TIMP2: variants seen among roughly 807,000 people sequenced by gnomAD.
TIMP2 encodes the protein metalloproteinase inhibitor 2.
Under a neutral mutation model 24.3 loss-of-function variants are expected in TIMP2, and 5 were observed. That is an observed-to-expected ratio of 0.21 (90% CI 0.11 to 0.43). The LOEUF (loss-of-function observed/expected upper bound fraction) is 0.43, where lower values mean the gene tolerates loss of function less well. Among genes scored for constraint, TIMP2 ranks in the 20% least tolerant of loss-of-function variants. The probability of loss-of-function intolerance (pLI) is 1.00; values close to 1 mark genes in which losing one functional copy is unlikely to be tolerated. For synonymous variants in TIMP2, 130 were observed against 123.2 expected (o/e 1.06, Z -0.37); for missense variants, 221 against 297.5 (o/e 0.74, Z 1.89).
intron 1 of TIMP2, among the ~76,000 whole-genome samples, chr17:78,911,119 C>A (rs1432249949): frequency 6.6e-6 from 1 of 152,192 alleles, no homozygotes; most frequent in African/African-American, 2.4e-5. Context: ...CTGAGCTGGG[C>A]CTTTCTGATC....
At chr17:78,900,511 C>CTCTA (rs1414918439) in intron 1 of TIMP2, among the ~76,000 whole-genome samples, 2 of 150,478 alleles carry the variant, frequency 1.3e-5, no homozygotes, top group African/African-American at 2.5e-5. Context: ...CACCACTGTA[C>CTCTA]TCTAGCCTAG....
chr17:78,918,078 A>ACACACACACGCGCG (rs888107917), intron 1 of TIMP2, among the ~76,000 whole-genome samples: 7 of 149,144 alleles, frequency 4.7e-5, no homozygotes, highest in African/African-American at 1.7e-4. Context: ...ACACACACAC[A>ACACACACACGCGCG]CACACACACA....
Position 78,859,314 on chromosome 17 carries a change from T to G in TIMP2, c.341-1668A>C, listed in dbSNP as rs993292159. On this transcript the variant is annotated intron_variant, in intron 3 of 4. Transcript: ENST00000262768. ...AAGCAGGAGGAAAAGAACAAAGCAG[T>G]GTGTTCCAGTGGCTGACAGAACCTA... 2.5e-4 allele frequency among the ~76,000 whole-genome samples: 38 copies of G among 152,154 alleles called. 1 individual carries two copies. The highest frequency in any genetic ancestry group is 2.5e-3 in the Admixed American group (38 of 15,260).
chr17:78,902,765 C>T (rs1204643033), intron 1 of TIMP2: 2 of 152,366 alleles, frequency 1.3e-5, no homozygotes, highest in Admixed American at 6.5e-5. Flanking sequence ...CGTCCATTAC[C>T]GCTTCCCTGC....
chr17:78,906,521 G>C (rs1380280210), intron 1 of TIMP2, among the ~76,000 whole-genome samples: 1 of 152,070 alleles, frequency 6.6e-6, no homozygotes, highest in Non-Finnish European at 1.5e-5. Flanking sequence ...GACTGATCAG[G>C]GTGGTGGTTG....
chr17:78,896,112 C>T lies in TIMP2; in HGVS notation c.131-22193G>A, dbSNP rs746630156. ...GCAGCCAGCTCCATCCTTCAGGAAT[C>T]GATCCCCGCTCTGACACCATCAGAT... is the stretch of plus-strand genomic sequence containing the variant. On this transcript the variant is annotated intron_variant, in intron 1 of 4. Coordinates refer to ENST00000262768, the MANE Select transcript of TIMP2 (RefSeq NM_003255.5). The surrounding 1 kb of genome is among the most constrained non-coding windows in gnomAD (Gnocchi z 4.4). Among the ~76,000 whole-genome samples the T allele has an allele frequency of 1.3e-5, 2 of 152,230 alleles. No individual in the cohort carries two copies. Among genetic ancestry groups the T allele is most frequent in the African/African-American group, 4.8e-5 (2 of 41,462 alleles).
In TIMP2 at chr17:78,855,334, C is replaced by A. The variant is rs1381198944; in HGVS notation, c.*333G>T. ...CCCTGCCCTAACCCAGCTGGGAGAT[C>A]CCTAAGTGCTGCCTGCTTGGCATCT... On this transcript the variant is annotated 3_prime_UTR_variant, in exon 5 of 5. Transcript: ENST00000262768. The surrounding 1 kb of genome is among the most constrained non-coding windows in gnomAD (Gnocchi z 6.0). 5.1e-6 allele frequency: 2 copies of A among 391,076 alleles called. No homozygotes were observed. The highest frequency in any genetic ancestry group is 9.6e-6 in the Non-Finnish European group (2 of 208,494). The allele number at this position is 391,076 out of a possible 1,614,324, so 24.2% of individuals were successfully genotyped here.
In TIMP2 at chr17:78,873,766, C is replaced by A; in HGVS notation, c.231+53G>T. ...GACCCAGGCTCTCTGCCAACCCCAA[C>A]ACCCCACAGCTGTGCCCACAGTGCA... On this transcript the variant is annotated intron_variant, in intron 2 of 4. Coordinates refer to ENST00000262768, the MANE Select transcript of TIMP2 (RefSeq NM_003255.5). 6 of 1,506,480 alleles carry A rather than the reference C, an allele frequency of 4.0e-6. No individual in the cohort carries two copies. In the East Asian group the frequency reaches 1.1e-4, roughly 28 times the overall value. 93.3% of individuals were successfully genotyped at this position (1,506,480 alleles called of 1,614,324 possible).
chr17:78,880,766 T>C (rs531133834), intron 1 of TIMP2, among the ~76,000 whole-genome samples: 1 of 152,318 alleles, frequency 6.6e-6, no homozygotes, highest in Non-Finnish European at 1.5e-5. Context: ...CTCTTTATTA[T>C]CTTGCCAGGG....
chr17:78,873,210 C>G (rs971007326), intron 2 of TIMP2, among the ~76,000 whole-genome samples: 7 of 152,262 alleles, frequency 4.6e-5, no homozygotes, highest in African/African-American at 1.7e-4. Flanking sequence ...ATTTTCGTCT[C>G]TCTTACAGAC....
chr17:78,857,630 G>T lies in TIMP2; in HGVS notation c.357C>A (p.Asp119Glu). 1 of 1,614,136 alleles carries T rather than the reference G, an allele frequency of 6.2e-7. No homozygotes were observed. The highest frequency in any genetic ancestry group is 2.2e-5 in the East Asian group (1 of 44,882). Residue 119 changes from aspartate to glutamate, a missense_variant, in exon 4 of 5, where the codon GAC becomes GAA. Coordinates refer to ENST00000262768, the MANE Select transcript of TIMP2 (RefSeq NM_003255.5). ...CACAGAGGGTGATGTGCATCTTGCC[G>T]TCCCCCTCGGCCTTTCCTGCGGAGA... ...EYLIAGKAEGDGKMHITLCDF... is the reference protein window; with the variant it reads ...EYLIAGKAEGEGKMHITLCDF...
At chr17:78,879,264 T>A (rs550611872) in intron 1 of TIMP2, among the ~76,000 whole-genome samples, 1 of 151,836 alleles carries the variant, frequency 6.6e-6, no homozygotes, top group Non-Finnish European at 1.5e-5. Context: ...GAGAGAGAGC[T>A]CTCCGGAATA....
chr17:78,904,223 C>G (rs903698990), intron 1 of TIMP2: 1 of 129,536 alleles, frequency 7.7e-6, no homozygotes, highest in Non-Finnish European at 1.8e-5. Context: ...CGAGCCACCG[C>G]CCCCAGCCCA....
chr17:78,881,409 T>G (rs1371315567), intron 1 of TIMP2, among the ~76,000 whole-genome samples: 1 of 152,166 alleles, frequency 6.6e-6, no homozygotes, highest in African/African-American at 2.4e-5. Context: ...CTGGCCCACA[T>G]CACTAGTGGG....
intron 1 of TIMP2, among the ~76,000 whole-genome samples, chr17:78,923,121 A>G (rs1040772399): frequency 6.6e-6 from 1 of 152,038 alleles, no homozygotes; most frequent in Non-Finnish European, 1.5e-5. Context: ...TGGGCCTCTG[A>G]GCCGGGATGG....
intron 1 of TIMP2, among the ~76,000 whole-genome samples, chr17:78,878,391 G>A (rs1004397129): frequency 6.6e-6 from 1 of 152,156 alleles, no homozygotes; most frequent in East Asian, 1.9e-4. Context: ...TGGAGGCTGC[G>A]GTGCCCGGGA....
chr17:78,877,854 C>T (rs1429411428), intron 1 of TIMP2, among the ~76,000 whole-genome samples: 2 of 151,946 alleles, frequency 1.3e-5, no homozygotes, highest in African/African-American at 4.8e-5. Flanking sequence ...CAGGCACGCG[C>T]CACCATGCCC....
intron 3 of TIMP2, among the ~76,000 whole-genome samples, chr17:78,865,624 C>A (rs1261247230): frequency 2.1e-4 from 25 of 117,698 alleles, no homozygotes; most frequent in South Asian, 6.0e-4. Flanking sequence ...AACTCTGTCT[C>A]AAAAAAAAAA....
chr17:78,922,419 A>G (rs1599180816), intron 1 of TIMP2: 2 of 152,360 alleles, frequency 1.3e-5, no homozygotes, highest in East Asian at 3.9e-4. Context: ...GTCAGATCCT[A>G]TGAATATGAC....
Sources: allele counts gnomAD v4.1 joint callset (sites outside exome capture counted in the v4.1 genomes callset), GRCh38; gene constraint gnomAD v4.1.1; non-coding constraint Gnocchi (gnomAD v3.1); transcripts MANE v1.5; gene names NCBI Gene and HGNC (gene_info 2026-07-23, HGNC 2026-07-21).